The following MAN1C1 variants were observed in gnomAD, a reference collection of about 807,000 sequenced individuals.
MAN1C1 encodes the protein mannosyl-oligosaccharide 1,2-alpha-mannosidase IC.
Under a neutral mutation model 71.5 loss-of-function variants are expected in MAN1C1, and 49 were observed. The ratio of observed to expected loss-of-function variants is 0.69; its 90% CI spans 0.54 to 0.87. The LOEUF is 0.87. Among genes scored for constraint, MAN1C1 ranks in the 40% least tolerant of loss-of-function variants. MAN1C1 has a pLI of 0.00. For synonymous variants in MAN1C1, 352 were observed against 343.7 expected (o/e 1.02, Z -0.27); for missense variants, 743 against 835.0 (o/e 0.89, Z 1.36).
In MAN1C1 at chr1:25,778,357, G is replaced by A. The variant is rs755845581; in HGVS notation, c.1477+33G>A. 5 of 1,575,016 alleles carry A rather than the reference G, an allele frequency of 3.2e-6. No homozygotes were observed. In the South Asian group the frequency reaches 4.6e-5, roughly 14 times the overall value. On this transcript the variant is annotated intron_variant, in intron 9 of 11. Transcript: ENST00000374332. This position sits in a 1 kb window ranked among gnomAD's most constrained non-coding sequence, Gnocchi z 5.5. ...TGCAAGGGGAAGGGGCAGCAGGAGA[G>A]ACTGAGGCTAGACACCAGGAAGAAC...
chr1:25,774,061 C>T (rs1039281254), intron 8 of MAN1C1, among the ~76,000 whole-genome samples: 1 of 152,186 alleles, frequency 6.6e-6, no homozygotes, highest in Non-Finnish European at 1.5e-5. Context: ...CCCCTGCCTG[C>T]ACCTTAGGAT....
At position 25,736,222 on chromosome 1, in the gene MAN1C1, C is replaced by G. The variant is rs558031406; in HGVS notation, c.638-10446C>G. On this transcript the variant is annotated intron_variant, in intron 2 of 11. Transcript: ENST00000374332. ...TGCCCCAGTCCCTGCCCAGCTCTGT[C>G]CTGACTTCCCCATGGCTCACACTTT... 2.0e-5 allele frequency among the ~76,000 whole-genome samples: 3 copies of G among 152,290 alleles called. No individual in the cohort carries two copies. The East Asian group carries it at 5.8e-4, about 29-fold the overall frequency.
intron 1 of MAN1C1, among the ~76,000 whole-genome samples, chr1:25,678,040 A>G (rs1401075252): frequency 6.6e-6 from 1 of 151,924 alleles, no homozygotes; most frequent in Non-Finnish European, 1.5e-5. Flanking sequence ...AAAATTCAGA[A>G]AATATAGGTC....
At chr1:25,687,187 G>T (rs1021884351) in intron 2 of MAN1C1, among the ~76,000 whole-genome samples, 3 of 152,178 alleles carry the variant, frequency 2.0e-5, no homozygotes, top group African/African-American at 7.2e-5. Context: ...TGGAGCAGCC[G>T]CACATCAGGA....
Position 25,715,034 on chromosome 1 carries a change from C to T in MAN1C1, c.637+28498C>T, listed in dbSNP as rs141509177. Among the ~76,000 whole-genome samples the T allele has an allele frequency of 1.1e-4, 17 of 152,268 alleles. 1 individual carries two copies. The highest frequency in any genetic ancestry group is 3.1e-4 in the African/African-American group (13 of 41,550). Reference sequence around the variant, plus strand: ...GCTTGATCCACGTCTCAAATGAAGACGGACACTCTGTTTATTTCTCTTCCC... The same window carrying T: ...GCTTGATCCACGTCTCAAATGAAGATGGACACTCTGTTTATTTCTCTTCCC... On this transcript the variant is annotated intron_variant, in intron 2 of 11. Transcript: ENST00000374332.
chr1:25,707,883 G>A (rs1248536092), intron 2 of MAN1C1, among the ~76,000 whole-genome samples: 2 of 152,240 alleles, frequency 1.3e-5, no homozygotes, highest in African/African-American at 2.4e-5. Context: ...ACTGCCTGGG[G>A]CAAGGATTGT....
At chr1:25,651,505 A>G (rs1185373621) in intron 1 of MAN1C1, among the ~76,000 whole-genome samples, 1 of 152,246 alleles carries the variant, frequency 6.6e-6, no homozygotes, top group East Asian at 1.9e-4. Context: ...GCAGCCCAGC[A>G]CTGTGGACCA....
At chr1:25,699,615 TC>T (rs2046411630) in intron 2 of MAN1C1, among the ~76,000 whole-genome samples, 1 of 152,198 alleles carries the variant, frequency 6.6e-6, no homozygotes, top group Non-Finnish European at 1.5e-5. Flanking sequence ...TGAGGCCTGA[TC>T]CCCATCACAG....
At chr1:25,651,001 A>G (rs1429066826) in intron 1 of MAN1C1, among the ~76,000 whole-genome samples, 1 of 152,138 alleles carries the variant, frequency 6.6e-6, no homozygotes, top group Non-Finnish European at 1.5e-5. Flanking sequence ...AACTCCTCCA[A>G]GGAGACCTGG....
chr1:25,650,684 CT>C (rs137859154), intron 1 of MAN1C1, among the ~76,000 whole-genome samples: 4,371 of 152,280 alleles, frequency 0.029, 88 homozygotes, highest in Non-Finnish European at 0.046. Flanking sequence ...TGTTCTCATT[CT>C]TTCTTTCTGC....
intron 7 of MAN1C1, among the ~76,000 whole-genome samples, chr1:25,768,299 G>C (rs1382004455): frequency 0.09 from 304 of 3,370 alleles, no homozygotes; most frequent in Non-Finnish European, 0.12. Flanking sequence ...TCACACACAC[G>C]CATTACACAC....
chr1:25,751,630 C>G (rs1050918986), intron 4 of MAN1C1, among the ~76,000 whole-genome samples: 2 of 152,268 alleles, frequency 1.3e-5, no homozygotes, highest in African/African-American at 4.8e-5. Context: ...CCACACCTTC[C>G]TGATCTATCC....
At chr1:25,662,148 C>T (rs535527215) in intron 1 of MAN1C1, among the ~76,000 whole-genome samples, 1 of 152,352 alleles carries the variant, frequency 6.6e-6, no homozygotes, top group Non-Finnish European at 1.5e-5. Flanking sequence ...TGATTGATGT[C>T]TATCTCTCTC....
At chr1:25,639,931 C>G (rs2045514820) in intron 1 of MAN1C1, among the ~76,000 whole-genome samples, 1 of 152,148 alleles carries the variant, frequency 6.6e-6, no homozygotes, top group African/African-American at 2.4e-5. Context: ...TTGTCGTGTT[C>G]TAGTAGCCTC....
In MAN1C1 at chr1:25,769,864, G is replaced by A. The variant is rs561478637; in HGVS notation, c.1142-1793G>A. Among the ~76,000 whole-genome samples the A allele has an allele frequency of 9.2e-5, 14 of 152,318 alleles. No homozygotes were observed. The highest frequency in any genetic ancestry group is 4.6e-4 in the Admixed American group (7 of 15,304). ...ACCCAAGGGGAGTGCTGCCGCCGAGGGCTTCAGATGGTGCCTGGCCTTGTT... is the reference window on the plus strand; with the variant it reads ...ACCCAAGGGGAGTGCTGCCGCCGAGAGCTTCAGATGGTGCCTGGCCTTGTT... On this transcript the variant is annotated intron_variant, in intron 7 of 11. Transcript: ENST00000374332. The surrounding 1 kb of genome is among the most constrained non-coding windows in gnomAD (Gnocchi z 4.8).
At chr1:25,713,104 C>T (rs1161901447) in intron 2 of MAN1C1, among the ~76,000 whole-genome samples, 1 of 152,192 alleles carries the variant, frequency 6.6e-6, no homozygotes, top group Non-Finnish European at 1.5e-5. Flanking sequence ...CTAGTCTTCC[C>T]ATTTTCCCAT....
intron 3 of MAN1C1, among the ~76,000 whole-genome samples, chr1:25,748,386 A>G (rs1487968059): frequency 6.6e-6 from 1 of 152,146 alleles, no homozygotes; most frequent in African/African-American, 2.4e-5. Context: ...CTCAGTAATA[A>G]AGACGATGGT....
chr1:25,783,172 C>A (rs1408858756), intron 11 of MAN1C1, among the ~76,000 whole-genome samples: 1 of 152,138 alleles, frequency 6.6e-6, no homozygotes, highest in East Asian at 1.9e-4. Flanking sequence ...GTGCTTTAAC[C>A]CTTTAGGGTG....
At chr1:25,736,731 C>T (rs2046987950) in intron 2 of MAN1C1, among the ~76,000 whole-genome samples, 1 of 152,100 alleles carries the variant, frequency 6.6e-6, no homozygotes, top group South Asian at 2.1e-4. Context: ...TTTGCCATGT[C>T]GCCTAAGCTG....
Sources: gnomAD v4.1 joint callset for allele counts (sites outside exome capture counted in the v4.1 genomes callset) on GRCh38, gnomAD v4.1.1 for gene constraint, Gnocchi (gnomAD v3.1) non-coding constraint, MANE v1.5 for transcripts, NCBI Gene and HGNC (gene_info 2026-07-23, HGNC 2026-07-21) for gene names.